Variants in STPG2 observed in about 807,000 individuals in gnomAD.
STPG2 encodes sperm tail PG-rich repeat containing 2.
Under a neutral mutation model 54.2 loss-of-function variants are expected in STPG2, and 56 were observed. The ratio of observed to expected loss-of-function variants is 1.03; its 90% CI spans 0.83 to 1.29. STPG2 has a LOEUF of 1.29. Ranked by LOEUF, STPG2 falls within the 50% of genes most tolerant of loss-of-function variation. The pLI, the probability that STPG2 is intolerant of heterozygous loss-of-function variation, is 0.00. For synonymous variants in STPG2, 200 were observed against 181.8 expected (o/e 1.10, Z -0.81); for missense variants, 596 against 544.9 (o/e 1.09, Z -0.93).
chr4:97,940,380 C>A (rs767920257), intron 8 of STPG2, among the ~76,000 whole-genome samples: 5 of 152,158 alleles, frequency 3.3e-5, no homozygotes, highest in African/African-American at 4.8e-5. Context: ...TGGATTATAT[C>A]CTTAAATATG....
chr4:97,461,431 G>T (rs1314765869), intron 4 of STPG2, among the ~76,000 whole-genome samples: 1 of 152,196 alleles, frequency 6.6e-6, no homozygotes, highest in African/African-American at 2.4e-5. Flanking sequence ...CACGATGGTT[G>T]AGCCCTCATG....
intron 5 of STPG2, among the ~76,000 whole-genome samples, chr4:98,056,884 G>T (rs116632789): frequency 6.6e-6 from 1 of 152,100 alleles, no homozygotes; most frequent in East Asian, 1.9e-4. Context: ...TGTGAAGAAG[G>T]TGCTTGCTTC....
At chr4:97,931,121 A>T (rs965237861) in intron 8 of STPG2, among the ~76,000 whole-genome samples, 1 of 152,220 alleles carries the variant, frequency 6.6e-6, no homozygotes, top group Non-Finnish European at 1.5e-5. Flanking sequence ...GGATCATGTC[A>T]TCTGCAAACA....
At chr4:98,115,730 A>T (rs2110150608) in intron 3 of STPG2, among the ~76,000 whole-genome samples, 1 of 152,150 alleles carries the variant, frequency 6.6e-6, no homozygotes, top group Admixed American at 6.5e-5. Context: ...AATTCAGATA[A>T]GATTTGAATT....
At chr4:97,671,842 A>T (rs1206045561) in intron 10 of STPG2, among the ~76,000 whole-genome samples, 1 of 152,204 alleles carries the variant, frequency 6.6e-6, no homozygotes, top group Non-Finnish European at 1.5e-5. Flanking sequence ...GTGGCCTCAC[A>T]AAAAGAAAAC....
At chr4:97,783,255 A>G (rs1348938669) in intron 9 of STPG2, among the ~76,000 whole-genome samples, 1 of 152,214 alleles carries the variant, frequency 6.6e-6, no homozygotes, top group Non-Finnish European at 1.5e-5. Context: ...CGCATCAAAA[A>G]GTGGCCAAAG....
chr4:97,944,583 T>C (rs894208663), intron 7 of STPG2, among the ~76,000 whole-genome samples: 5 of 152,136 alleles, frequency 3.3e-5, no homozygotes, highest in African/African-American at 4.8e-5. Flanking sequence ...TTTATTTGTA[T>C]TCATTTAATT....
intron 4 of STPG2, among the ~76,000 whole-genome samples, chr4:97,515,636 T>G (rs1731058952): frequency 6.6e-6 from 1 of 152,086 alleles, no homozygotes; most frequent in South Asian, 2.1e-4. Flanking sequence ...TAAAGTAATC[T>G]TAAGGTGTGA....
Position 98,141,811 on chromosome 4 carries a change from T to C in STPG2, c.109+1231A>G, listed in dbSNP as rs146052408. On this transcript the variant is annotated intron_variant, in intron 1 of 10. Transcript: ENST00000295268. ...TGACTCTTTTCATCAACAAGAAACATAAAAACATTTAAAGAAGGCCATGAA... is the reference window on the plus strand; with the variant it reads ...TGACTCTTTTCATCAACAAGAAACACAAAAACATTTAAAGAAGGCCATGAA... Among the ~76,000 whole-genome samples, 12 of 151,346 alleles carry C rather than the reference T, an allele frequency of 7.9e-5. No homozygotes were observed. The East Asian group carries it at 1.5e-3, about 20-fold the overall frequency.
intron 10 of STPG2, among the ~76,000 whole-genome samples, chr4:97,637,800 C>T (rs1205605680): frequency 6.6e-6 from 1 of 152,082 alleles, no homozygotes; most frequent in Non-Finnish European, 1.5e-5. Context: ...TGTGAAGGAC[C>T]TCTTCAAGGA....
At chr4:98,065,639 T>C (rs1737810908) in intron 5 of STPG2, among the ~76,000 whole-genome samples, 1 of 152,144 alleles carries the variant, frequency 6.6e-6, no homozygotes, top group South Asian at 2.1e-4. Flanking sequence ...TCAACTATAC[T>C]TGAACAATAG....
At chr4:97,949,595 T>G (rs1308388875) in intron 7 of STPG2, among the ~76,000 whole-genome samples, 1 of 152,206 alleles carries the variant, frequency 6.6e-6, no homozygotes, top group Non-Finnish European at 1.5e-5. Flanking sequence ...CTTGTAGGGC[T>G]GGTCTGGTAG....
At chr4:97,740,390 G>T (rs1421824340) in intron 9 of STPG2, among the ~76,000 whole-genome samples, 2 of 152,034 alleles carry the variant, frequency 1.3e-5, no homozygotes, top group Non-Finnish European at 2.9e-5. Context: ...AGAAATAAAG[G>T]GTATTCAATT....
At chr4:97,462,719 T>A (rs1445345731) in intron 4 of STPG2, among the ~76,000 whole-genome samples, 1 of 152,124 alleles carries the variant, frequency 6.6e-6, no homozygotes, top group Non-Finnish European at 1.5e-5. Flanking sequence ...TAAATTTTAA[T>A]TTATTTTTGT....
intron 9 of STPG2, among the ~76,000 whole-genome samples, chr4:97,773,884 A>T (rs1429244997): frequency 6.6e-6 from 1 of 152,096 alleles, no homozygotes; most frequent in Non-Finnish European, 1.5e-5. Flanking sequence ...GCATGACGAT[A>T]CATGCCTGTA....
chr4:97,883,622 C>G (rs1191195089), intron 8 of STPG2, among the ~76,000 whole-genome samples: 3 of 151,890 alleles, frequency 2.0e-5, no homozygotes, highest in Non-Finnish European at 4.4e-5. Context: ...AAAGAATGCA[C>G]CCTATTAATT....
chr4:97,807,501 GAAATAA>G (rs1424082890), intron 9 of STPG2, among the ~76,000 whole-genome samples: 1 of 151,564 alleles, frequency 6.6e-6, no homozygotes, highest in Non-Finnish European at 1.5e-5. Context: ...GCCTATCGTG[GAAATAA>G]AAATAAAATA....
chr4:98,083,556 C>T lies in STPG2; in HGVS notation c.612+22397G>A, dbSNP rs548550254. Among the ~76,000 whole-genome samples, 3 of 152,230 alleles carry T rather than the reference C, an allele frequency of 2.0e-5. No individual in the cohort carries two copies. In the East Asian group the frequency reaches 5.8e-4, roughly 29 times the overall value. ...TTATAGGTTATCCAACCCAAATTTCCATCACATTTATCAATTCGTTCTTCA... is the reference window on the plus strand; with the variant it reads ...TTATAGGTTATCCAACCCAAATTTCTATCACATTTATCAATTCGTTCTTCA... On this transcript the variant is annotated intron_variant, in intron 5 of 10. Coordinates refer to ENST00000295268, the MANE Select transcript of STPG2 (RefSeq NM_174952.3).
At chr4:97,621,148 G>A (rs955029666) in intron 10 of STPG2, among the ~76,000 whole-genome samples, 8 of 151,974 alleles carry the variant, frequency 5.3e-5, no homozygotes, top group African/African-American at 1.9e-4. Flanking sequence ...AATGTTAAGA[G>A]CACAATTTAT....
Sources: allele counts gnomAD v4.1 joint callset (sites outside exome capture counted in the v4.1 genomes callset), GRCh38; gene constraint gnomAD v4.1.1; transcripts MANE v1.5; gene names NCBI Gene and HGNC (gene_info 2026-07-23, HGNC 2026-07-21).